Variants in PTBP3 observed in about 807,000 individuals in gnomAD.
The protein encoded by PTBP3 is polypyrimidine tract binding protein 3, also known as polypyrimidine tract-binding protein 3.
PTBP3 carries 20 observed loss-of-function variants against 58.7 expected under a neutral mutation model. The ratio of observed to expected loss-of-function variants is 0.34; its 90% CI spans 0.24 to 0.50. The LOEUF is 0.50. PTBP3 is among the 20% of genes least tolerant of loss of function. PTBP3 has a pLI of 0.98. For missense variants in PTBP3, 509 were observed against 637.2 expected (o/e 0.80, Z 2.17); for synonymous variants, 185 against 219.8 (o/e 0.84, Z 1.40).
At chr9:112,314,988 T>G (rs890334920) in intron 1 of PTBP3, among the ~76,000 whole-genome samples, 11 of 152,096 alleles carry the variant, frequency 7.2e-5, no homozygotes, top group African/African-American at 2.7e-4. Flanking sequence ...CACGCTGCCA[T>G]GCCCGGCTAA....
chr9:112,250,992 G>C lies in PTBP3; in HGVS notation c.739C>G (p.Arg247Gly). Residue 247 changes from arginine to glycine, a missense_variant, in exon 7 of 14, where the codon CGC becomes GGC. Around this residue, in one of 4 missense-constraint regions of PTBP3, gnomAD observed 121 missense variants for 114.8 expected, o/e 1.05. Transcript: ENST00000374257. ...CCATCACCAGTAGGAAGGTCTAAGCGAGTGAAGTCTCTGCTTTTGTCATTA... is the reference window on the plus strand; with the variant it reads ...CCATCACCAGTAGGAAGGTCTAAGCCAGTGAAGTCTCTGCTTTTGTCATTA... Reference protein sequence around the residue: ...YNNDKSRDFTRLDLPTGDGQP... With the variant: ...YNNDKSRDFTGLDLPTGDGQP... 1 of 1,612,458 alleles carries C rather than the reference G, an allele frequency of 6.2e-7. No individual in the cohort carries two copies. The highest frequency in any genetic ancestry group is 8.5e-7 in the Non-Finnish European group (1 of 1,179,154).
At chr9:112,358,352 T>C in the PTBP3 span, among the ~76,000 whole-genome samples, 3 of 152,174 alleles carry the variant, frequency 2.0e-5, no homozygotes, top group African/African-American at 7.2e-5. Flanking sequence ...CTGATGCTAC[T>C]GGCATGTAGT....
At chr9:112,313,730 A>C (rs532930585) in intron 1 of PTBP3, among the ~76,000 whole-genome samples, 2 of 152,356 alleles carry the variant, frequency 1.3e-5, no homozygotes, top group East Asian at 3.9e-4. Context: ...GCAAAGCCCA[A>C]GTCTTTTGGA....
intron 1 of PTBP3, 133 bp downstream of exon 1, chr9:112,333,337 G>C (rs1166838752): frequency 9.0e-7 from 1 of 1,114,048 alleles, no homozygotes; most frequent in Non-Finnish European, 1.2e-6. Context: ...CCCCGCCGTC[G>C]GGCTTGGCCG....
chr9:112,245,828 A>G (rs1835854153), intron 7 of PTBP3, among the ~76,000 whole-genome samples: 1 of 152,302 alleles, frequency 6.6e-6, no homozygotes, highest in Middle Eastern at 3.4e-3. Context: ...TGAACATAAA[A>G]TGAAAAACGA....
chr9:112,253,115 T>G (rs752720971), intron 5 of PTBP3, among the ~76,000 whole-genome samples: 17 of 152,222 alleles, frequency 1.1e-4, no homozygotes, highest in Non-Finnish European at 2.1e-4. Context: ...GGACCAACTA[T>G]TTCACCCTGT....
chr9:112,370,494 T>C, the PTBP3 span, among the ~76,000 whole-genome samples: 10 of 152,226 alleles, frequency 6.6e-5, no homozygotes, highest in East Asian at 7.7e-4. Flanking sequence ...TGAACCGAGA[T>C]TGCGCTACTG....
intron 2 of PTBP3, among the ~76,000 whole-genome samples, chr9:112,283,312 T>G (rs1827961231): frequency 6.6e-6 from 1 of 152,262 alleles, no homozygotes; most frequent in African/African-American, 2.4e-5. Context: ...CTTTGGAACT[T>G]CCTAGAGACT....
upstream of PTBP3, among the ~76,000 whole-genome samples, chr9:112,337,838 C>T (rs1587909756): frequency 6.6e-6 from 1 of 152,144 alleles, no homozygotes; most frequent in Non-Finnish European, 1.5e-5. Flanking sequence ...AACATTTAAC[C>T]AACATAACCC....
At chr9:112,340,750 A>G in the PTBP3 span, among the ~76,000 whole-genome samples, 21 of 152,164 alleles carry the variant, frequency 1.4e-4, no homozygotes, top group East Asian at 4.1e-3. Flanking sequence ...GTAGTGGTGC[A>G]CGCCTGTAAT....
chr9:112,324,204 GA>G (rs1361373779), intron 1 of PTBP3, among the ~76,000 whole-genome samples: 4 of 151,948 alleles, frequency 2.6e-5, no homozygotes, highest in Non-Finnish European at 4.4e-5. Flanking sequence ...GAGTAAAGCA[GA>G]AACACAAAAC....
rs1834734959 is a variant in PTBP3 at position 112,219,617 on chromosome 9, G to A, written c.*4234C>T. On this transcript the variant is annotated 3_prime_UTR_variant, in exon 14 of 14. Transcript: ENST00000374257. ...TGAATATTATGTGATAAAGGCAAAA[G>A]TGTAACTGAGACTTTATTTATAGTT... 1 of 152,634 alleles carries A rather than the reference G, an allele frequency of 6.6e-6. No individual in the cohort carries two copies. Among genetic ancestry groups the A allele is most frequent in the Non-Finnish European group, 1.5e-5 (1 of 68,036 alleles). The allele number at this position is 152,634 out of a possible 1,614,324, so 9.5% of individuals were successfully genotyped here.
chr9:112,362,857 G>C, the PTBP3 span: 1 of 334,856 alleles, frequency 3.0e-6, no homozygotes, highest in Middle Eastern at 1.1e-3. Flanking sequence ...GAAGATTCAA[G>C]GGCCAGATCT....
chr9:112,348,207 G>T, the PTBP3 span, among the ~76,000 whole-genome samples: 3 of 152,346 alleles, frequency 2.0e-5, no homozygotes, highest in African/African-American at 7.2e-5. Flanking sequence ...ACGGTGTCCC[G>T]TCCAAGGAAT....
At chr9:112,233,160 T>G (rs956554881) in intron 8 of PTBP3, among the ~76,000 whole-genome samples, 1 of 151,972 alleles carries the variant, frequency 6.6e-6, no homozygotes, top group Non-Finnish European at 1.5e-5. Context: ...ATCAATAGCC[T>G]TCACATGACA....
chr9:112,339,258 T>C, the PTBP3 span, among the ~76,000 whole-genome samples: 1 of 124,178 alleles, frequency 8.1e-6, no homozygotes, highest in African/African-American at 3.1e-5. Context: ...GACACTGCAC[T>C]CCAGTCTGCC....
intron 7 of PTBP3, among the ~76,000 whole-genome samples, chr9:112,240,779 A>G (rs1835625986): frequency 2.0e-5 from 3 of 152,106 alleles, no homozygotes; most frequent in Admixed American, 2.0e-4. Flanking sequence ...AAGACCTTCC[A>G]GTGGGACAAG....
chr9:112,230,235 A>G (rs1835149397), intron 10 of PTBP3, among the ~76,000 whole-genome samples: 1 of 152,120 alleles, frequency 6.6e-6, no homozygotes, highest in Non-Finnish European at 1.5e-5. Flanking sequence ...CTGAGGGAGG[A>G]CGACTGCTTG....
At chr9:112,284,558 T>G (rs188904552) in intron 2 of PTBP3, among the ~76,000 whole-genome samples, 114 of 152,290 alleles carry the variant, frequency 7.5e-4, no homozygotes, top group Non-Finnish European at 8.4e-4. Context: ...CAGCCAAGCA[T>G]GGTGATGTGC....
Sources: allele counts gnomAD v4.1 joint callset (sites outside exome capture counted in the v4.1 genomes callset), GRCh38; gene constraint gnomAD v4.1.1; regional missense constraint gnomAD v4.1.1; transcripts MANE v1.5; gene names NCBI Gene and HGNC (gene_info 2026-07-23, HGNC 2026-07-21).